The following RHOT1 variants were observed in gnomAD, a reference collection of about 807,000 sequenced individuals.
RHOT1 encodes ras homolog family member T1.
Under a neutral mutation model 95.3 loss-of-function variants are expected in RHOT1, and 27 were observed. The observed-to-expected ratio is 0.28, with a 90% confidence interval of 0.21 to 0.39. The LOEUF is 0.39. RHOT1 is among the 10% of genes least tolerant of loss of function. RHOT1 has a pLI of 1.00. For missense variants in RHOT1, 578 were observed against 786.7 expected, an observed-to-expected ratio of 0.73 and a Z score of 3.17; for synonymous variants, 227 against 263.5, an observed-to-expected ratio of 0.86 and a Z score of 1.34.
Position 32,198,883 on chromosome 17 carries a change from TATTA to T in RHOT1, c.870-60_870-57del, listed in dbSNP as rs2037102688. ...TCACAAAAGACTTGTTGCAATTTTA[TATTA>T]ATTTCTTAAATTTTAACATTTGATT... On this transcript the variant is annotated intron_variant, in intron 11 of 19. Transcript: ENST00000545287. 3 of 1,072,238 alleles carry T rather than the reference TATTA, an allele frequency of 2.8e-6. No individual in the cohort carries two copies. The South Asian group carries it at 4.1e-5, about 15-fold the overall frequency. 66.4% of individuals were successfully genotyped at this position (1,072,238 alleles called of 1,614,324 possible).
chr17:32,224,853 T>G lies in RHOT1; in HGVS notation c.*120T>G, dbSNP rs1382385250. 1 of 621,296 alleles carries G rather than the reference T, an allele frequency of 1.6e-6. No homozygotes were observed. Among genetic ancestry groups the G allele is most frequent in the African/African-American group, 1.8e-5 (1 of 55,250 alleles). 38.5% of individuals were successfully genotyped at this position (621,296 alleles called of 1,614,324 possible). On this transcript the variant is annotated 3_prime_UTR_variant, in exon 20 of 20. Transcript: ENST00000545287. ...TGCAGAGTTACTTTATTAATATTTG[T>G]AATTCATGCATAAGAGTATTTTAAT... is the stretch of plus-strand genomic sequence containing the variant.
intron 1 of RHOT1, among the ~76,000 whole-genome samples, chr17:32,144,847 G>A (rs1203235137): frequency 6.6e-6 from 1 of 151,548 alleles, no homozygotes; most frequent in African/African-American, 2.4e-5. Context: ...AACACTATTA[G>A]CTAGGCATGG....
Position 32,183,184 on chromosome 17 carries a change from A to G in RHOT1, c.452A>G (p.Asn151Ser), listed in dbSNP as rs1329046603. The G allele has an allele frequency of 6.3e-7, 1 of 1,582,846 alleles. No individual in the cohort carries two copies. Among genetic ancestry groups the G allele is most frequent in the Admixed American group, 1.7e-5 (1 of 57,572 alleles). ...IETCVECSAK[N>S]LKNISELFYY... ...TTATTTTTTCAGTGTTCAGCGAAAA[A>G]CCTGAAGAACATATCAGAGCTCTTT... The change falls in exon 8 of 20, where the codon AAC (asparagine) becomes AGC (serine). Residue 151 changes from asparagine to serine, a missense_variant. Around this residue, in one of 4 missense-constraint regions of RHOT1, gnomAD observed 227 missense variants for 316.0 expected, o/e 0.72. Coordinates refer to ENST00000545287, the MANE Select transcript of RHOT1 (RefSeq NM_001033566.3).
chr17:32,150,899 TG>T, intron 1 of RHOT1: 1 of 1,544,890 alleles, frequency 6.5e-7, no homozygotes, highest in South Asian at 1.2e-5. Flanking sequence ...GGGGATGTTC[TG>T]GGGGAGGTGG....
intron 11 of RHOT1, among the ~76,000 whole-genome samples, chr17:32,194,781 G>A (rs535087976): frequency 6.7e-6 from 1 of 149,114 alleles, no homozygotes; most frequent in Non-Finnish European, 1.5e-5. Flanking sequence ...TTAAGTTGAA[G>A]TAGGTATTTT....
intron 8 of RHOT1, among the ~76,000 whole-genome samples, chr17:32,191,178 A>G (rs2036464369): frequency 1.3e-5 from 2 of 151,990 alleles, no homozygotes; most frequent in Non-Finnish European, 1.5e-5. Context: ...CACTATATCA[A>G]ATTACTCTCC....
intron 9 of RHOT1, among the ~76,000 whole-genome samples, chr17:32,192,678 T>G (rs1056252233): frequency 4.7e-5 from 7 of 149,990 alleles, no homozygotes; most frequent in East Asian, 3.9e-4. Flanking sequence ...TTTTTTTTTT[T>G]TTTTTGTTTT....
At chr17:32,148,878 A>G (rs2031786590) in intron 1 of RHOT1, among the ~76,000 whole-genome samples, 1 of 152,216 alleles carries the variant, frequency 6.6e-6, no homozygotes, top group Non-Finnish European at 1.5e-5. Context: ...ATTTGGAACT[A>G]GATGTTCAAA....
At chr17:32,163,771 A>C (rs2033788098) in intron 1 of RHOT1, among the ~76,000 whole-genome samples, 1 of 152,112 alleles carries the variant, frequency 6.6e-6, no homozygotes, top group Admixed American at 6.5e-5. Context: ...AATGTTAACT[A>C]TATTGGTGAT....
intron 1 of RHOT1, among the ~76,000 whole-genome samples, chr17:32,143,774 C>T (rs1305994884): frequency 4.6e-5 from 7 of 152,218 alleles, no homozygotes; most frequent in Non-Finnish European, 7.3e-5. Flanking sequence ...TTAATACATT[C>T]GTTAATAGTC....
chr17:32,177,633 T>C (rs2035114910), intron 6 of RHOT1, among the ~76,000 whole-genome samples: 1 of 150,928 alleles, frequency 6.6e-6, no homozygotes, highest in Non-Finnish European at 1.5e-5. Context: ...GAGGCGCCTG[T>C]AGTCCCAGCT....
At chr17:32,144,534 C>T (rs1200798171) in intron 1 of RHOT1, among the ~76,000 whole-genome samples, 1 of 151,774 alleles carries the variant, frequency 6.6e-6, no homozygotes, top group Non-Finnish European at 1.5e-5. Flanking sequence ...AAGACTCTGT[C>T]TGAAAAAAAA....
chr17:32,154,751 C>T (rs1314335785), intron 1 of RHOT1, among the ~76,000 whole-genome samples: 9 of 151,712 alleles, frequency 5.9e-5, no homozygotes, highest in South Asian at 4.2e-4. Flanking sequence ...AAAAATTAGC[C>T]GGGCATGGTG....
intron 8 of RHOT1, 123 bp from the exon 9 acceptor site, chr17:32,192,078 G>T: frequency 1.7e-6 from 1 of 599,140 alleles, no homozygotes; most frequent in South Asian, 2.3e-5. Context: ...AAATGGCTTT[G>T]CTTTAGTTCA....
chr17:32,178,122 A>G (rs2035171530), intron 6 of RHOT1, among the ~76,000 whole-genome samples: 1 of 151,786 alleles, frequency 6.6e-6, no homozygotes, highest in Non-Finnish European at 1.5e-5. Flanking sequence ...ACCGCATGAG[A>G]GATGCTGAGT....
chr17:32,161,919 A>T (rs971134752), intron 1 of RHOT1, among the ~76,000 whole-genome samples: 1 of 152,222 alleles, frequency 6.6e-6, no homozygotes, highest in Non-Finnish European at 1.5e-5. Context: ...GAAGAGGTAC[A>T]TGGGGAAAGG....
chr17:32,162,189 C>T (rs1450929955), intron 1 of RHOT1, among the ~76,000 whole-genome samples: 1 of 152,108 alleles, frequency 6.6e-6, no homozygotes, highest in Non-Finnish European at 1.5e-5. Context: ...TGGTGACCAG[C>T]TCCCATCCTG....
chr17:32,148,875 A>G (rs1290484865), intron 1 of RHOT1, among the ~76,000 whole-genome samples: 1 of 152,192 alleles, frequency 6.6e-6, no homozygotes, highest in Non-Finnish European at 1.5e-5. Context: ...GTCATTTGGA[A>G]CTAGATGTTC....
At chr17:32,165,562 T>A (rs77309293) in intron 1 of RHOT1, among the ~76,000 whole-genome samples, 6,897 of 151,910 alleles carry the variant, frequency 0.045, 532 homozygotes, top group African/African-American at 0.16. Flanking sequence ...AGTTAAAAAA[T>A]TTTTGTGTTT....
Sources: allele counts gnomAD v4.1 joint callset (sites outside exome capture counted in the v4.1 genomes callset), GRCh38; gene constraint gnomAD v4.1.1; regional missense constraint gnomAD v4.1.1; transcripts MANE v1.5; gene names NCBI Gene and HGNC (gene_info 2026-07-23, HGNC 2026-07-21).